TTC28: variants seen among roughly 807,000 people sequenced by gnomAD.
TTC28 encodes tetratricopeptide repeat domain 28.
TTC28 carries 61 observed loss-of-function variants against 198.0 expected under a neutral mutation model. The observed-to-expected ratio is 0.31, with a 90% CI of 0.25 to 0.38. TTC28 has a LOEUF of 0.38. Among genes scored for constraint, TTC28 ranks in the 10% least tolerant of loss-of-function variants. The pLI is 1.00. For synonymous variants in TTC28, 1,171 were observed against 1,297.8 expected (o/e 0.90, Z 2.10); for missense variants, 2,678 against 3,164.0 (o/e 0.85, Z 3.69).
intron 2 of TTC28, among the ~76,000 whole-genome samples, chr22:28,621,560 A>C (rs2050997521): frequency 6.6e-6 from 1 of 151,018 alleles, no homozygotes; most frequent in East Asian, 1.9e-4. Context: ...AAAAAAAAAT[A>C]ATAATAATAA....
At chr22:28,283,190 A>G (rs1274811660) in intron 5 of TTC28, among the ~76,000 whole-genome samples, 1 of 152,160 alleles carries the variant, frequency 6.6e-6, no homozygotes, top group Non-Finnish European at 1.5e-5. Flanking sequence ...AAAGTTGCCA[A>G]GCCTTCCCCT....
intron 12 of TTC28, among the ~76,000 whole-genome samples, chr22:28,046,111 C>T (rs886798640): frequency 2.0e-5 from 3 of 152,122 alleles, no homozygotes; most frequent in African/African-American, 7.2e-5. Flanking sequence ...TTAGCTGTAC[C>T]AATATTTAGT....
At chr22:28,521,552 C>T (rs1472994965) in intron 2 of TTC28, among the ~76,000 whole-genome samples, 1 of 152,140 alleles carries the variant, frequency 6.6e-6, no homozygotes, top group Non-Finnish European at 1.5e-5. Flanking sequence ...TGGGGCATTG[C>T]TGATTCTGGG....
At chr22:28,009,746 A>C (rs1938068886) in intron 14 of TTC28, among the ~76,000 whole-genome samples, 1 of 152,244 alleles carries the variant, frequency 6.6e-6, no homozygotes, top group Admixed American at 6.5e-5. Flanking sequence ...CCCCTGGCCC[A>C]GATTTTCACC....
intron 2 of TTC28, among the ~76,000 whole-genome samples, chr22:28,452,117 C>T (rs1330484333): frequency 2.0e-5 from 3 of 151,940 alleles, no homozygotes; most frequent in Non-Finnish European, 4.4e-5. Flanking sequence ...TGGCCAGGCG[C>T]GATGGCTCAC....
chr22:28,491,786 T>G (rs1003748132), intron 2 of TTC28, among the ~76,000 whole-genome samples: 10 of 152,304 alleles, frequency 6.6e-5, no homozygotes, highest in South Asian at 6.2e-4. Flanking sequence ...TTATAAATCA[T>G]GCTACTATAA....
In TTC28 at chr22:28,163,591, T is replaced by C. The variant is rs200027173; in HGVS notation, c.942A>G (p.Ser314=). The change falls in exon 6 of 23, where the codon TCA becomes TCG. Residue 314 remains serine (S), a synonymous_variant. Transcript: ENST00000397906. The part of the protein sequence containing the change: ...AMKLKDREAA[S]SALSSLGHVY... The stretch of plus-strand genomic sequence containing the variant: ...CGTGGCCCAGACTGCTCAAGGCTGA[T>C]GAAGCTGCCTGGAGAGAAAAGGATA... The C allele has an allele frequency of 8.3e-5, 127 of 1,532,862 alleles. No individual in the cohort carries two copies. The highest frequency in any genetic ancestry group is 1.1e-4 in the Non-Finnish European group (123 of 1,137,580). The allele number at this position is 1,532,862 out of a possible 1,614,324, so 95.0% of individuals were successfully genotyped here.
At position 27,983,304 on chromosome 22, in the gene TTC28, G is replaced by A; in HGVS notation, c.6363C>T (p.Pro2121=). The change falls in exon 23 of 23, where the codon CCC becomes CCT. Residue 2121 remains proline, a synonymous_variant. Transcript: ENST00000397906. ...KMTLIPSPNS[P]FQKVGKLASS... ...TTGCTAGTTTTCCCACCTTTTGGAA[G>A]GGTGAGTTGGGGCTGGGAATCAGAG... 6.4e-7 allele frequency: 1 copy of A among 1,552,090 alleles called. No homozygotes were observed. The highest frequency in any genetic ancestry group is 8.7e-7 in the Non-Finnish European group (1 of 1,147,126).
chr22:28,245,698 C>T (rs1056928728), intron 5 of TTC28, among the ~76,000 whole-genome samples: 3 of 152,174 alleles, frequency 2.0e-5, no homozygotes, highest in Non-Finnish European at 4.4e-5. Context: ...CTCATTGGCA[C>T]TTTTGTCTTT....
rs1229801209 is a variant in TTC28 at position 28,371,509 on chromosome 22, C to CAAAAAAAAAAAAAAAAA, written c.382-64883_382-64867dup. ...TGGGCAACAGAGTGAGACCCTGTCT[C>CAAAAAAAAAAAAAAAAA]AAAAAAAAAAAAAAAAAAAAGAGTT... On this transcript the variant is annotated intron_variant, in intron 2 of 22. Coordinates refer to ENST00000397906, the MANE Select transcript of TTC28 (RefSeq NM_001145418.2). Among the ~76,000 whole-genome samples, 41 of 6,096 alleles carry CAAAAAAAAAAAAAAAAA rather than the reference C, an allele frequency of 6.7e-3. 8 individuals are homozygous for CAAAAAAAAAAAAAAAAA. The highest frequency in any genetic ancestry group is 0.023 in the Admixed American group (5 of 216). The allele number at this position is 6,096 out of a possible 152,430, so 4.0% of individuals were successfully genotyped here. A position where few individuals can be genotyped will look rare whatever the true frequency, so the allele number is the denominator to read the frequency against.
chr22:28,095,656 T>C (rs1215667136), intron 11 of TTC28, among the ~76,000 whole-genome samples: 1 of 152,234 alleles, frequency 6.6e-6, no homozygotes, highest in Non-Finnish European at 1.5e-5. Context: ...CATTTAATGC[T>C]GATTTAATCA....
chr22:28,552,567 T>A (rs1039892390), intron 2 of TTC28, among the ~76,000 whole-genome samples: 1 of 151,980 alleles, frequency 6.6e-6, no homozygotes, highest in Non-Finnish European at 1.5e-5. Context: ...AATCCAAAAA[T>A]AAACCCAAAT....
intron 2 of TTC28, among the ~76,000 whole-genome samples, chr22:28,530,971 C>T (rs996834165): frequency 2.0e-5 from 3 of 152,162 alleles, no homozygotes; most frequent in Non-Finnish European, 4.4e-5. Flanking sequence ...ACTGTAAAGA[C>T]CATTGATGCT....
chr22:27,999,833 T>A (rs1184026625), intron 15 of TTC28: 1 of 152,366 alleles, frequency 6.6e-6, no homozygotes, highest in African/African-American at 2.4e-5. Flanking sequence ...AGAAGCCCAA[T>A]AATGTCTGCC....
intron 2 of TTC28, among the ~76,000 whole-genome samples, chr22:28,469,937 G>A (rs2048076858): frequency 6.6e-6 from 1 of 152,150 alleles, no homozygotes; most frequent in Admixed American, 6.5e-5. Context: ...CTGAGCTCAA[G>A]TGATCCTCTT....
chr22:28,390,892 C>T lies in TTC28; in HGVS notation c.382-84249G>A, dbSNP rs542727513. On this transcript the variant is annotated intron_variant, in intron 2 of 22. Transcript: ENST00000397906. The stretch of plus-strand genomic sequence containing the variant: ...TGAATTTGATCCTGTCATTATGATG[C>T]TAGCTGGTTATTTTGCTGGTTAGTT... 1.9e-3 allele frequency among the ~76,000 whole-genome samples: 287 copies of T among 152,270 alleles called. 2 individuals carry two copies. Among genetic ancestry groups the T allele is most frequent in the African/African-American group, 6.5e-3 (272 of 41,562 alleles).
chr22:28,295,645 GCAGA>G (rs2044879368), intron 5 of TTC28, among the ~76,000 whole-genome samples: 1 of 152,110 alleles, frequency 6.6e-6, no homozygotes, highest in African/African-American at 2.4e-5. Flanking sequence ...TTTCCACTCT[GCAGA>G]CAGTCTCTAA....
intron 1 of TTC28, among the ~76,000 whole-genome samples, chr22:28,644,848 T>G (rs534287906): frequency 6.6e-6 from 1 of 151,918 alleles, no homozygotes; most frequent in East Asian, 1.9e-4. Context: ...TTAAAATTTT[T>G]TAAATGCTCC....
intron 2 of TTC28, among the ~76,000 whole-genome samples, chr22:28,612,395 C>A (rs764101244): frequency 1.3e-5 from 2 of 152,174 alleles, no homozygotes; most frequent in Non-Finnish European, 2.9e-5. Flanking sequence ...TAATACCCCA[C>A]GGTCAATATT....
Sources: gnomAD v4.1 joint callset for allele counts (sites outside exome capture counted in the v4.1 genomes callset) on GRCh38, gnomAD v4.1.1 for gene constraint, MANE v1.5 for transcripts, NCBI Gene and HGNC (gene_info 2026-07-23, HGNC 2026-07-21) for gene names.